The following MLXIP variants were observed in gnomAD, a reference collection of about 807,000 sequenced individuals.
The protein encoded by MLXIP is MLX-interacting protein.
Under a neutral mutation model 87.2 loss-of-function variants are expected in MLXIP, and 30 were observed. The observed-to-expected ratio is 0.34, with a 90% CI of 0.26 to 0.47. The LOEUF (loss-of-function observed/expected upper bound fraction) is 0.47. MLXIP is among the 20% of genes least tolerant of loss of function. The probability of loss-of-function intolerance (pLI) is 1.00; values close to 1 mark genes in which losing one functional copy is unlikely to be tolerated. For synonymous variants in MLXIP, 530 were observed against 514.0 expected (o/e 1.03, Z -0.42); for missense variants, 1,002 against 1,240.1 (o/e 0.81, Z 2.88).
At chr12:122,139,772 CAA>C (rs1327127562) in intron 15 of MLXIP, among the ~76,000 whole-genome samples, 2 of 152,192 alleles carry the variant, frequency 1.3e-5, no homozygotes, top group Non-Finnish European at 2.9e-5. Context: ...TTCCCAGACT[CAA>C]GTGTTCCTCC....
Position 122,111,235 on chromosome 12 carries a change from A to C in MLXIP, c.414-16021A>C, listed in dbSNP as rs1952602618. Among the ~76,000 whole-genome samples, 3 of 152,144 alleles carry C rather than the reference A, an allele frequency of 2.0e-5. No homozygotes were observed. The South Asian group carries it at 6.2e-4, about 31-fold the overall frequency. On this transcript the variant is annotated intron_variant, in intron 1 of 16. Coordinates refer to ENST00000319080, the MANE Select transcript of MLXIP (RefSeq NM_014938.6). ...ATGACTAATAGTGGTGATAATATCA[A>C]ATTTGTTTTTTGTCAGTCTTCATAG...
chr12:122,141,087 A>T lies in MLXIP; in HGVS notation c.2638+4A>T, dbSNP rs1465501867. ...TCCCTGCCCATCCTCAGGCCGAGTG[A>T]GTGGGGCAGTGCCAGGGTGGGGGGC... On this transcript the variant is annotated splice_donor_region_variant and intron_variant, in intron 16 of 16. Transcript: ENST00000319080. 2 of 1,606,278 alleles carry T rather than the reference A, an allele frequency of 1.2e-6. No homozygotes were observed. The highest frequency in any genetic ancestry group is 8.5e-7 in the Non-Finnish European group (1 of 1,177,512).
intron 3 of MLXIP, 121 bp downstream of exon 3, chr12:122,128,089 C>G (rs1052458081): frequency 3.7e-6 from 3 of 816,794 alleles, no homozygotes; most frequent in Non-Finnish European, 4.0e-6. Flanking sequence ...GCCTGCCCTG[C>G]GCCATCCATG....
intron 1 of MLXIP, among the ~76,000 whole-genome samples, chr12:122,118,873 A>T (rs1183287125): frequency 6.6e-6 from 1 of 150,564 alleles, no homozygotes; most frequent in African/African-American, 2.5e-5. Flanking sequence ...TAATAAAAAT[A>T]AAAAACACAT....
rs769091487 is a variant in MLXIP, at chr12:122,140,922, G to T, written c.2509-32G>T. ...GGTCTGCAGTCCCCAGCCCCTCTCCGTGCTTGCCTTTTCTTTAACCACACA... is the reference window on the plus strand; with the variant it reads ...GGTCTGCAGTCCCCAGCCCCTCTCCTTGCTTGCCTTTTCTTTAACCACACA... On this transcript the variant is annotated intron_variant, in intron 15 of 16. Coordinates refer to ENST00000319080, the MANE Select transcript of MLXIP (RefSeq NM_014938.6). 92 of 1,613,746 alleles carry T rather than the reference G, an allele frequency of 5.7e-5. No individual in the cohort carries two copies. The Admixed American group carries it at 8.7e-4, about 15-fold the overall frequency.
intron 1 of MLXIP, among the ~76,000 whole-genome samples, chr12:122,107,506 C>T (rs1194374668): frequency 1.3e-5 from 2 of 152,148 alleles, no homozygotes; most frequent in Admixed American, 6.6e-5. Context: ...CAGCCCTGAA[C>T]GTCTTGGGAA....
chr12:122,101,341 CT>C lies in MLXIP; in HGVS notation c.413+22086del, dbSNP rs894872392. 4.7e-3 allele frequency among the ~76,000 whole-genome samples: 683 copies of C among 145,198 alleles called. 6 individuals carry two copies. Among genetic ancestry groups the C allele is most frequent in the African/African-American group, 0.015 (599 of 39,878 alleles). On this transcript the variant is annotated intron_variant, in intron 1 of 16. Transcript: ENST00000319080. ...TTGTTTTGTCACTTTGCTTTTTTTT[CT>C]TTTTTTTTTTCCTGTGCCCATGTAG...
chr12:122,088,592 A>G (rs1373720003), intron 1 of MLXIP, among the ~76,000 whole-genome samples: 1 of 152,172 alleles, frequency 6.6e-6, no homozygotes, highest in African/African-American at 2.4e-5. Context: ...AGCTCCTACA[A>G]AGAGGTGGCT....
chr12:122,131,060 T>G (rs536185412), intron 7 of MLXIP, 127 bp downstream of exon 7: 170 of 653,564 alleles, frequency 2.6e-4, no homozygotes, highest in Admixed American at 1.8e-3. Context: ...AAAGAATTTT[T>G]TTTTAAACTG....
chr12:122,080,305 T>C (rs895064203), intron 1 of MLXIP, among the ~76,000 whole-genome samples: 2 of 152,184 alleles, frequency 1.3e-5, no homozygotes, highest in East Asian at 3.8e-4. Context: ...GCGGGGGCTG[T>C]CTTAGGTCTG....
intron 1 of MLXIP, among the ~76,000 whole-genome samples, chr12:122,087,137 C>T (rs1412781483): frequency 6.6e-6 from 1 of 152,188 alleles, no homozygotes; most frequent in Admixed American, 6.5e-5. Context: ...GGCCGGGCCC[C>T]AGAGCATGAG....
intron 1 of MLXIP, among the ~76,000 whole-genome samples, chr12:122,126,447 CG>C: frequency 6.6e-6 from 1 of 152,076 alleles, no homozygotes; most frequent in South Asian, 2.1e-4. Context: ...GAGATGGTGT[CG>C]GGGGCAGCAT....
intron 1 of MLXIP, among the ~76,000 whole-genome samples, chr12:122,090,526 C>A (rs1952231164): frequency 6.6e-6 from 1 of 151,298 alleles, no homozygotes. Flanking sequence ...AAACACATAA[C>A]AAAATAAGAT....
intron 1 of MLXIP, among the ~76,000 whole-genome samples, chr12:122,124,414 ACCTCAGCCG>A (rs1952845344): frequency 8.7e-4 from 1 of 1,156 alleles, no homozygotes; most frequent in Non-Finnish European, 1.6e-3. Flanking sequence ...GCCGTCCCCC[ACCTCAGCCG>A]TCCCCCTCCT....
chr12:122,096,451 A>G (rs938541700), intron 1 of MLXIP, among the ~76,000 whole-genome samples: 3 of 151,862 alleles, frequency 2.0e-5, no homozygotes, highest in African/African-American at 7.3e-5. Context: ...CTCCTTCCTG[A>G]TAGGAGCCTT....
Position 122,138,942 on chromosome 12 carries a change from T to C in MLXIP, c.2508+4T>C. 1.2e-6 allele frequency: 2 copies of C among 1,613,952 alleles called. No homozygotes were observed. The highest frequency in any genetic ancestry group is 1.7e-6 in the Non-Finnish European group (2 of 1,179,830). Reference sequence around the variant, plus strand: ...GCAGAATTGGAAGTTCTGGATTGTATCTTTGGGTTTTCTTTTTGCTCTTCC... The same window carrying C: ...GCAGAATTGGAAGTTCTGGATTGTACCTTTGGGTTTTCTTTTTGCTCTTCC... On this transcript the variant is annotated splice_donor_region_variant and intron_variant, in intron 15 of 16. Coordinates refer to ENST00000319080, the MANE Select transcript of MLXIP (RefSeq NM_014938.6).
intron 1 of MLXIP, among the ~76,000 whole-genome samples, chr12:122,086,975 C>T (rs570450916): frequency 1.3e-5 from 2 of 152,310 alleles, no homozygotes; most frequent in East Asian, 1.9e-4. Context: ...AAAGCTCTGC[C>T]CCTGGGAGCT....
intron 1 of MLXIP, among the ~76,000 whole-genome samples, chr12:122,125,857 G>C (rs999085196): frequency 3.3e-5 from 5 of 152,236 alleles, no homozygotes; most frequent in Non-Finnish European, 7.3e-5. Flanking sequence ...GGTGGGGATA[G>C]GCACAAGGGT....
chr12:122,141,201 G>A, intron 16 of MLXIP, 118 bp downstream of exon 16: 1 of 1,407,468 alleles, frequency 7.1e-7, no homozygotes, highest in Non-Finnish European at 9.4e-7. Flanking sequence ...GGCCGGGGCA[G>A]GGGCACAGTG....
Sources: allele counts gnomAD v4.1 joint callset (sites outside exome capture counted in the v4.1 genomes callset), GRCh38; gene constraint gnomAD v4.1.1; transcripts MANE v1.5; gene names NCBI Gene and HGNC (gene_info 2026-07-23, HGNC 2026-07-21).